ZNF831: variants seen among roughly 807,000 people sequenced by gnomAD.
ZNF831 encodes the protein chromosome 20 open reading frame 174.
Under a neutral mutation model 95.8 loss-of-function variants are expected in ZNF831, and 59 were observed. That is an observed-to-expected ratio of 0.62 (90% CI 0.50 to 0.77). ZNF831 has a LOEUF of 0.77. ZNF831 is among the 30% of genes least tolerant of loss of function. The probability of loss-of-function intolerance (pLI) is 0.00; values close to 1 mark genes in which losing one functional copy is unlikely to be tolerated. For synonymous variants in ZNF831, 961 were observed against 925.5 expected (o/e 1.04, Z -0.70); for missense variants, 2,205 against 2,164.0 (o/e 1.02, Z -0.38).
At chr20:59,243,599 C>T (rs937427478) in intron 4 of ZNF831, among the ~76,000 whole-genome samples, 3 of 152,200 alleles carry the variant, frequency 2.0e-5, no homozygotes, top group Non-Finnish European at 4.4e-5. Context: ...CCCTAGGACT[C>T]CCTCATCCAC....
intron 1 of ZNF831, among the ~76,000 whole-genome samples, chr20:59,182,107 C>T (rs1199818932): frequency 2.6e-5 from 4 of 152,148 alleles, no homozygotes; most frequent in Non-Finnish European, 4.4e-5. Flanking sequence ...CCTTATTCCT[C>T]TTGTTAGATT....
At position 59,192,804 on chromosome 20, in the gene ZNF831, C is replaced by T. The variant is rs1983715315; in HGVS notation, c.1785C>T (p.Ala595=). 1 of 1,611,814 alleles carries T rather than the reference C, an allele frequency of 6.2e-7. No homozygotes were observed. Among genetic ancestry groups the T allele is most frequent in the African/African-American group, 1.3e-5 (1 of 75,034 alleles). Residue 595 remains alanine, a synonymous_variant, in exon 2 of 6, where the codon GCC becomes GCT. Transcript: ENST00000371030. This position sits in a 1 kb window ranked among gnomAD's most constrained non-coding sequence, Gnocchi z 5.2. ...TDAKRTAARE[A]MAGKGRAGGR... ...CAAAGAGAACTGCTGCGCGGGAGGC[C>T]ATGGCCGGCAAGGGCAGAGCGGGCG... is the stretch of plus-strand genomic sequence containing the variant.
At position 59,208,385 on chromosome 20, in the gene ZNF831, G is replaced by T. The variant is rs181337213; in HGVS notation, c.4027+1329G>T. On this transcript the variant is annotated intron_variant, in intron 4 of 5. Coordinates refer to ENST00000371030, the MANE Select transcript of ZNF831 (RefSeq NM_178457.3). The surrounding 1 kb of genome is among the most constrained non-coding windows in gnomAD (Gnocchi z 4.2). ...ATGTCTCCCCCATGCAAAGGCCAGG[G>T]GACCATGCAACTCTCTGCTTTCTCG... 5.9e-5 allele frequency among the ~76,000 whole-genome samples: 9 copies of T among 152,252 alleles called. No homozygotes were observed. Among genetic ancestry groups the T allele is most frequent in the African/African-American group, 1.9e-4 (8 of 41,558 alleles).
intron 4 of ZNF831, among the ~76,000 whole-genome samples, chr20:59,211,063 A>AC: frequency 6.6e-6 from 1 of 151,698 alleles, no homozygotes; most frequent in Non-Finnish European, 1.5e-5. Flanking sequence ...AAAAAAAAAA[A>AC]AACAAATCCA....
At chr20:59,241,764 T>C (rs1417063504) in intron 4 of ZNF831, among the ~76,000 whole-genome samples, 1 of 152,228 alleles carries the variant, frequency 6.6e-6, no homozygotes, top group Admixed American at 6.5e-5. Flanking sequence ...AATATTCAAA[T>C]TGACTGTTCC....
intron 4 of ZNF831, among the ~76,000 whole-genome samples, chr20:59,233,823 T>C (rs544051389): frequency 1.3e-4 from 20 of 152,344 alleles, no homozygotes; most frequent in African/African-American, 4.8e-4. Context: ...GGATCAGAGC[T>C]AACAACTCTG....
In ZNF831 at chr20:59,253,142, G is replaced by A. The variant is rs750243559; in HGVS notation, c.4188+4G>A. 1 of 1,613,782 alleles carries A rather than the reference G, an allele frequency of 6.2e-7. No homozygotes were observed. The highest frequency in any genetic ancestry group is 8.5e-7 in the Non-Finnish European group (1 of 1,179,814). ...AATGGACAAACGAACTGTGAAGGTG[G>A]GCATGATGATTTTGAGCTGCCTCTA... On this transcript the variant is annotated splice_donor_region_variant and intron_variant, in intron 5 of 5. Transcript: ENST00000371030.
rs1568802494 is a variant in ZNF831, at chr20:59,255,066, C to T, written c.*323C>T. 4.3e-6 allele frequency: 1 copy of T among 234,284 alleles called. No homozygotes were observed. The highest frequency in any genetic ancestry group is 8.3e-5 in the South Asian group (1 of 12,034). The allele number at this position is 234,284 out of a possible 1,614,324, so 14.5% of individuals were successfully genotyped here. On this transcript the variant is annotated 3_prime_UTR_variant, in exon 6 of 6. Transcript: ENST00000371030. ...CCAGCCTCGTCTTCTGCACCTGTCC[C>T]CCACTGCCTCTCTGCAATCAAATGG... is the stretch of plus-strand genomic sequence containing the variant.
intron 1 of ZNF831, among the ~76,000 whole-genome samples, chr20:59,173,666 A>G (rs893836837): frequency 1.3e-5 from 2 of 152,162 alleles, no homozygotes; most frequent in Non-Finnish European, 2.9e-5. Flanking sequence ...TCTCATTGTC[A>G]AGGAGCTCAA....
At position 59,253,135 on chromosome 20, in the gene ZNF831, G is replaced by T. The variant is rs369564717; in HGVS notation, c.4185G>T (p.Val1395=). The T allele has an allele frequency of 3.1e-6, 5 of 1,613,898 alleles. No individual in the cohort carries two copies. In the African/African-American group the frequency reaches 6.7e-5, roughly 22 times the overall value. The stretch of plus-strand genomic sequence containing the variant: ...TCAGGGAAATGGACAAACGAACTGT[G>T]AAGGTGGGCATGATGATTTTGAGCT... ...RIVREMDKRT[V]KDISPSAGEH... is the part of the protein sequence containing the mutation. The change falls in exon 5 of 6, where the codon GTG becomes GTT. Residue 1395 remains valine, a synonymous_variant. Coordinates refer to ENST00000371030, the MANE Select transcript of ZNF831 (RefSeq NM_178457.3).
Position 59,254,149 on chromosome 20 carries a change from T to C in ZNF831, c.4440T>C (p.Thr1480=), listed in dbSNP as rs2146764839. Residue 1480 remains threonine, a synonymous_variant, in exon 6 of 6, where the codon ACT becomes ACC. Transcript: ENST00000371030. This position sits in a 1 kb window ranked among gnomAD's most constrained non-coding sequence, Gnocchi z 4.5. ...QRPSSFGSKG[T]FPHHDIATSV... is the part of the protein sequence containing the mutation. ...CTTCTTCCTTTGGGTCCAAAGGAAC[T>C]TTTCCCCACCATGACATTGCTACCT... The C allele has an allele frequency of 1.2e-6, 2 of 1,613,962 alleles. No individual in the cohort carries two copies. Among genetic ancestry groups the C allele is most frequent in the African/African-American group, 2.7e-5 (2 of 74,958 alleles).
chr20:59,178,994 C>T (rs759090241), intron 1 of ZNF831, among the ~76,000 whole-genome samples: 5 of 152,174 alleles, frequency 3.3e-5, no homozygotes, highest in Non-Finnish European at 5.9e-5. Flanking sequence ...TTTTACCCAT[C>T]CTCCACCCCC....
At chr20:59,197,591 C>T (rs1568762776) in intron 3 of ZNF831, among the ~76,000 whole-genome samples, 1 of 152,166 alleles carries the variant, frequency 6.6e-6, no homozygotes, top group Non-Finnish European at 1.5e-5. Context: ...GCTGGCGTGG[C>T]CCCCAGAGCA....
At chr20:59,236,364 C>A (rs886936870) in intron 4 of ZNF831, among the ~76,000 whole-genome samples, 1 of 152,200 alleles carries the variant, frequency 6.6e-6, no homozygotes. Flanking sequence ...GTCTTCCTGG[C>A]TTGCTTGATT....
Position 59,193,069 on chromosome 20 carries a change from A to G in ZNF831, c.2050A>G (p.Ile684Val), listed in dbSNP as rs1983746163. The G allele has an allele frequency of 6.3e-7, 1 of 1,590,566 alleles. No homozygotes were observed. The highest frequency in any genetic ancestry group is 1.3e-5 in the African/African-American group (1 of 74,434). Residue 684 changes from isoleucine to valine, a missense_variant, in exon 2 of 6, where the codon ATA becomes GTA. Physicochemically the swap from Ile to Val is conservative, Grantham distance 29 (BLOSUM62 3). Coordinates refer to ENST00000371030, the MANE Select transcript of ZNF831 (RefSeq NM_178457.3). ...CAGGAGGACCCCTGTCCATGAGGAC[A>G]TATCCGCAGGGGCAACGCCAGAGCC... ...QDRRTPVHEDISAGATPEPWG... is the reference protein window; with the variant it reads ...QDRRTPVHEDVSAGATPEPWG...
chr20:59,232,510 C>A (rs935350635), intron 4 of ZNF831, among the ~76,000 whole-genome samples: 1 of 152,048 alleles, frequency 6.6e-6, no homozygotes, highest in Non-Finnish European at 1.5e-5. Flanking sequence ...ACCCCCGAGA[C>A]ACTGGGCACT....
chr20:59,201,736 T>C lies in ZNF831; in HGVS notation c.3876-5169T>C, dbSNP rs187438595. On this transcript the variant is annotated intron_variant, in intron 3 of 5. Transcript: ENST00000371030. ...TCATTTGTTGATCTATTTGTCTATT[T>C]CAATGCAAATACCACACTGACTTGA... 6.1e-4 allele frequency among the ~76,000 whole-genome samples: 93 copies of C among 152,344 alleles called. 1 individual carries two copies. Among genetic ancestry groups the C allele is most frequent in the African/African-American group, 2.1e-3 (88 of 41,572 alleles).
Position 59,256,397 on chromosome 20 carries a change from G to T in ZNF831, c.*1654G>T, listed in dbSNP as rs1440643977. ...AAAGGATGTTGGACATTGACTTAGT[G>T]TACTTTTTAAACCCAACAAAAGCGA... On this transcript the variant is annotated 3_prime_UTR_variant, in exon 6 of 6. Coordinates refer to ENST00000371030, the MANE Select transcript of ZNF831 (RefSeq NM_178457.3). The T allele has an allele frequency of 2.0e-5, 3 of 152,208 alleles. No homozygotes were observed. Among genetic ancestry groups the T allele is most frequent in the African/African-American group, 7.2e-5 (3 of 41,454 alleles). The allele number at this position is 152,208 out of a possible 1,614,324, so 9.4% of individuals were successfully genotyped here.
At position 59,253,072 on chromosome 20, in the gene ZNF831, C is replaced by T. The variant is rs1276949737; in HGVS notation, c.4122C>T (p.Thr1374=). The change falls in exon 5 of 6, where the codon ACC becomes ACT. Residue 1374 remains threonine, a synonymous_variant. Coordinates refer to ENST00000371030, the MANE Select transcript of ZNF831 (RefSeq NM_178457.3). ...AGAAGGAAGGTGACTGCAGACAAAC[C>T]TTAGGAACCCTCTCTCTTGGTACAA... The part of the protein sequence containing the change: ...EEKKEGDCRQ[T]LGTLSLGTSS... 3.7e-6 allele frequency: 6 copies of T among 1,614,020 alleles called. No individual in the cohort carries two copies. In the African/African-American group the frequency reaches 4.0e-5, roughly 11 times the overall value.
Sources: gnomAD v4.1 joint callset for allele counts (sites outside exome capture counted in the v4.1 genomes callset) on GRCh38, gnomAD v4.1.1 for gene constraint, Gnocchi (gnomAD v3.1) non-coding constraint, MANE v1.5 for transcripts, NCBI Gene and HGNC (gene_info 2026-07-23, HGNC 2026-07-21) for gene names.